The following DENND1A variants were observed in gnomAD, a reference collection of about 807,000 sequenced individuals.
The protein encoded by DENND1A is DENN domain containing 1A.
In DENND1A, 51 loss-of-function variants were observed where a neutral mutation model predicts 113.7. That is an observed-to-expected ratio of 0.45 (90% CI 0.36 to 0.57). The LOEUF is 0.57. Among genes scored for constraint, DENND1A ranks in the 20% least tolerant of loss-of-function variants. The pLI is 0.00. For synonymous variants in DENND1A, 565 were observed against 570.8 expected (o/e 0.99, Z 0.14); for missense variants, 1,258 against 1,395.9 (o/e 0.90, Z 1.57).
intron 5 of DENND1A, among the ~76,000 whole-genome samples, chr9:123,756,816 C>A (rs1469380843): frequency 6.6e-6 from 1 of 152,140 alleles, no homozygotes; most frequent in Non-Finnish European, 1.5e-5. Flanking sequence ...GAGAGCTACC[C>A]TTTCTGGAAT....
chr9:123,391,761 GA>G (rs5900572), intron 21 of DENND1A, among the ~76,000 whole-genome samples: 1,631 of 110,366 alleles, frequency 0.015, 26 homozygotes, highest in African/African-American at 0.053. Context: ...GGCAGAATAT[GA>G]AAAAAAAAAA....
At chr9:123,846,671 G>A (rs1198989154) in intron 2 of DENND1A, among the ~76,000 whole-genome samples, 1 of 152,134 alleles carries the variant, frequency 6.6e-6, no homozygotes, top group Non-Finnish European at 1.5e-5. Context: ...ACAGAAAATA[G>A]GATAGAGGAT....
At chr9:123,454,849 C>CTTTCTT in intron 15 of DENND1A, 70 bp from the exon 16 acceptor site, 2 of 1,019,660 alleles carry the variant, frequency 2.0e-6, no homozygotes, top group Non-Finnish European at 2.8e-6. Context: ...CTTAAAATTG[C>CTTTCTT]TTTTTTTTTT....
At chr9:123,506,834 G>A (rs1412148248) in intron 13 of DENND1A, among the ~76,000 whole-genome samples, 4 of 152,052 alleles carry the variant, frequency 2.6e-5, no homozygotes, top group Admixed American at 2.6e-4. Flanking sequence ...AGGGCAAACA[G>A]AATAAACACA....
chr9:123,842,877 A>G (rs1842029281), intron 2 of DENND1A, among the ~76,000 whole-genome samples: 1 of 152,170 alleles, frequency 6.6e-6, no homozygotes, highest in African/African-American at 2.4e-5. Context: ...GCAACACAAA[A>G]AAAGGAATAC....
intron 10 of DENND1A, among the ~76,000 whole-genome samples, chr9:123,617,272 C>T (rs978401782): frequency 1.3e-5 from 2 of 152,196 alleles, no homozygotes; most frequent in African/African-American, 4.8e-5. Context: ...GGGGAGAAGG[C>T]AGAGATGGCC....
intron 20 of DENND1A, 112 bp downstream of exon 20, chr9:123,411,664 C>G: frequency 1.4e-6 from 1 of 707,090 alleles, no homozygotes; most frequent in Non-Finnish European, 1.7e-6. Flanking sequence ...AAACCCAATT[C>G]CCAGTTTTCT....
chr9:123,455,559 A>G (rs2048053813), intron 15 of DENND1A, among the ~76,000 whole-genome samples: 1 of 152,198 alleles, frequency 6.6e-6, no homozygotes, highest in Non-Finnish European at 1.5e-5. Flanking sequence ...TCCTCTGAAC[A>G]GCCCTCGGGA....
chr9:123,663,525 C>T lies in DENND1A; in HGVS notation c.507+3501G>A, dbSNP rs190442125. 2.5e-3 allele frequency among the ~76,000 whole-genome samples: 380 copies of T among 152,072 alleles called. 4 individuals carry two copies. Among genetic ancestry groups the T allele is most frequent in the African/African-American group, 8.1e-3 (337 of 41,476 alleles). On this transcript the variant is annotated intron_variant, in intron 8 of 23. Transcript: ENST00000394215. Reference sequence around the variant, plus strand: ...ACATGATCAATTCTTATAAATGTCCCATGGCATTTTAAAATAATCCTTCAG... The same window carrying T: ...ACATGATCAATTCTTATAAATGTCCTATGGCATTTTAAAATAATCCTTCAG...
chr9:123,735,319 G>A (rs560126347), intron 5 of DENND1A, among the ~76,000 whole-genome samples: 15 of 152,146 alleles, frequency 9.9e-5, no homozygotes, highest in Admixed American at 3.3e-4. Context: ...TCTCTCTCTC[G>A]CAACCCTTTG....
At chr9:123,901,023 A>G (rs939261766) in intron 1 of DENND1A, among the ~76,000 whole-genome samples, 1 of 152,242 alleles carries the variant, frequency 6.6e-6, no homozygotes, top group Non-Finnish European at 1.5e-5. Context: ...AATTTGTGTT[A>G]TTTTTATACT....
At chr9:123,525,633 C>T (rs903899278) in intron 13 of DENND1A, among the ~76,000 whole-genome samples, 2 of 152,124 alleles carry the variant, frequency 1.3e-5, no homozygotes, top group Non-Finnish European at 2.9e-5. Flanking sequence ...AGAACACACT[C>T]CAAACACAGT....
At chr9:123,667,285 T>C (rs891135264) in intron 7 of DENND1A, among the ~76,000 whole-genome samples, 1 of 152,178 alleles carries the variant, frequency 6.6e-6, no homozygotes, top group African/African-American at 2.4e-5. Flanking sequence ...GATGGAGTTC[T>C]TTTCTATGAG....
chr9:123,856,996 T>C (rs1338007461), intron 2 of DENND1A, among the ~76,000 whole-genome samples: 1 of 152,078 alleles, frequency 6.6e-6, no homozygotes, highest in Non-Finnish European at 1.5e-5. Flanking sequence ...GGACTCACAC[T>C]TTTCAATATA....
chr9:123,623,003 A>C (rs1185078202), intron 10 of DENND1A, among the ~76,000 whole-genome samples: 1 of 152,234 alleles, frequency 6.6e-6, no homozygotes, highest in Non-Finnish European at 1.5e-5. Flanking sequence ...AACCAGCAGC[A>C]CATGTTTTTA....
chr9:123,740,466 G>C (rs773095852), intron 5 of DENND1A, among the ~76,000 whole-genome samples: 1 of 152,134 alleles, frequency 6.6e-6, no homozygotes. Context: ...GGTCTACCCA[G>C]TAACTACTTT....
intron 12 of DENND1A, among the ~76,000 whole-genome samples, chr9:123,580,705 C>T (rs2058847468): frequency 6.6e-6 from 1 of 152,236 alleles, no homozygotes; most frequent in African/African-American, 2.4e-5. Context: ...GGATGGGAGC[C>T]TCAGATTCCT....
intron 3 of DENND1A, among the ~76,000 whole-genome samples, chr9:123,769,838 G>A (rs887993400): frequency 6.6e-6 from 1 of 152,136 alleles, no homozygotes; most frequent in African/African-American, 2.4e-5. Flanking sequence ...GGAGGCGGTT[G>A]GGTTGCTGAG....
intron 9 of DENND1A, among the ~76,000 whole-genome samples, chr9:123,642,121 G>C (rs1254007250): frequency 6.6e-6 from 1 of 152,220 alleles, no homozygotes. Flanking sequence ...GTATTACAGA[G>C]TCTCTATGGT....
Sources: gnomAD v4.1 joint callset for allele counts (sites outside exome capture counted in the v4.1 genomes callset) on GRCh38, gnomAD v4.1.1 for gene constraint, MANE v1.5 for transcripts, NCBI Gene and HGNC (gene_info 2026-07-23, HGNC 2026-07-21) for gene names.